Variants in SPOCK3 observed in about 807,000 individuals in gnomAD.
The protein encoded by SPOCK3 is testican-3.
Under a neutral mutation model 56.6 loss-of-function variants are expected in SPOCK3, and 30 were observed. That is an observed-to-expected ratio of 0.53 (90% CI 0.40 to 0.72). SPOCK3 has a LOEUF of 0.72. Among genes scored for constraint, SPOCK3 ranks in the 30% least tolerant of loss-of-function variants. SPOCK3 has a pLI of 0.00. For missense variants in SPOCK3, 527 were observed against 530.0 expected (o/e 0.99, Z 0.06); for synonymous variants, 196 against 183.3 (o/e 1.07, Z -0.56).
intron 6 of SPOCK3, among the ~76,000 whole-genome samples, chr4:166,833,407 C>T (rs1412802475): frequency 1.3e-5 from 2 of 152,066 alleles, no homozygotes; most frequent in Non-Finnish European, 2.9e-5. Flanking sequence ...TTGATTTTCT[C>T]AATTTTTGTA....
chr4:167,108,312 C>T (rs1342957077), intron 2 of SPOCK3, among the ~76,000 whole-genome samples: 1 of 151,748 alleles, frequency 6.6e-6, no homozygotes. Context: ...AGGTACATAC[C>T]CAAAAGAAAG....
intron 2 of SPOCK3, among the ~76,000 whole-genome samples, chr4:167,071,622 T>G (rs920164945): frequency 7.6e-6 from 1 of 131,134 alleles, no homozygotes; most frequent in Non-Finnish European, 1.6e-5. Context: ...TGCCACATTT[T>G]CTTAATCCAG....
intron 4 of SPOCK3, among the ~76,000 whole-genome samples, chr4:166,980,997 G>T (rs182466309): frequency 6.6e-6 from 1 of 152,156 alleles, no homozygotes. Flanking sequence ...TTCTTGCCGC[G>T]GTCTAGGAAG....
chr4:166,969,730 A>G (rs1205090566), intron 4 of SPOCK3, among the ~76,000 whole-genome samples: 2 of 152,174 alleles, frequency 1.3e-5, no homozygotes, highest in Admixed American at 6.5e-5. Context: ...TATATTACCC[A>G]GTCTCAAGTA....
intron 6 of SPOCK3, among the ~76,000 whole-genome samples, chr4:166,867,635 T>G (rs1731979163): frequency 6.6e-6 from 1 of 151,370 alleles, no homozygotes; most frequent in Non-Finnish European, 1.5e-5. Context: ...TAATTACAGG[T>G]AAATTATTTA....
intron 6 of SPOCK3, among the ~76,000 whole-genome samples, chr4:166,862,492 TACTA>T (rs1314096079): frequency 6.6e-6 from 1 of 152,106 alleles, no homozygotes; most frequent in East Asian, 1.9e-4. Flanking sequence ...TTAGTATTGC[TACTA>T]ACTTTTTTAT....
rs1446850639 is a variant in SPOCK3, at chr4:166,793,465, A to G, written c.590-1176T>C. The stretch of plus-strand genomic sequence containing the variant: ...GAGCTGAAAAAAACAAAATGCAAAA[A>G]CATCTCATAATGTTTTAAGAAAGTT... On this transcript the variant is annotated intron_variant, in intron 6 of 10. Coordinates refer to ENST00000357545, the MANE Select transcript of SPOCK3 (RefSeq NM_001040159.2). 9.9e-5 allele frequency among the ~76,000 whole-genome samples: 15 copies of G among 152,170 alleles called. 1 individual carries two copies. Among genetic ancestry groups the G allele is most frequent in the Admixed American group, 9.2e-4 (14 of 15,274 alleles).
rs188004490 is a variant in SPOCK3 at position 167,111,190 on chromosome 4, A to G, written c.190-48653T>C. 9.5e-4 allele frequency among the ~76,000 whole-genome samples: 145 copies of G among 152,254 alleles called. 2 individuals carry two copies. In the East Asian group the frequency reaches 0.025, roughly 26 times the overall value. ...TTATATGAAATTATTAAATGAGGAA[A>G]AAAATTCACAACTAAAAACTGGTGA... On this transcript the variant is annotated intron_variant, in intron 2 of 10. Transcript: ENST00000357545.
chr4:167,159,594 GA>G (rs919100559), intron 2 of SPOCK3, among the ~76,000 whole-genome samples: 5 of 151,908 alleles, frequency 3.3e-5, no homozygotes, highest in African/African-American at 1.2e-4. Context: ...CCAAAAAAGA[GA>G]ATTTTAGACC....
At chr4:166,953,153 CA>C (rs1237450873) in intron 4 of SPOCK3, among the ~76,000 whole-genome samples, 1 of 151,320 alleles carries the variant, frequency 6.6e-6, no homozygotes, top group Admixed American at 6.6e-5. Flanking sequence ...AGGCAACCTA[CA>C]AAATGGGAGA....
intron 4 of SPOCK3, among the ~76,000 whole-genome samples, chr4:166,953,174 C>T (rs1416234696): frequency 1.3e-5 from 2 of 151,414 alleles, no homozygotes; most frequent in African/African-American, 2.4e-5. Flanking sequence ...AAAATTTTCG[C>T]AACCTACTCT....
intron 6 of SPOCK3, among the ~76,000 whole-genome samples, chr4:166,845,097 A>C (rs190377334): frequency 6.6e-6 from 1 of 152,384 alleles, no homozygotes; most frequent in Non-Finnish European, 1.5e-5. Flanking sequence ...TATGTTAAAC[A>C]ATATAAAATT....
intron 7 of SPOCK3, among the ~76,000 whole-genome samples, chr4:166,762,284 A>G (rs1737344631): frequency 6.6e-6 from 1 of 152,116 alleles, no homozygotes; most frequent in Non-Finnish European, 1.5e-5. Flanking sequence ...TTAAAATAGT[A>G]TATTTTGAGA....
chr4:166,903,448 A>C (rs1310217696), intron 5 of SPOCK3, among the ~76,000 whole-genome samples: 2 of 151,938 alleles, frequency 1.3e-5, no homozygotes, highest in Non-Finnish European at 2.9e-5. Flanking sequence ...TTATTACCCC[A>C]TGCTACTGGA....
At chr4:166,912,523 T>C in intron 5 of SPOCK3, 97 bp downstream of exon 5, 2 of 1,168,362 alleles carry the variant, frequency 1.7e-6, no homozygotes, top group South Asian at 2.7e-5. Context: ...GTTAAATGAA[T>C]AATTTGAATT....
intron 6 of SPOCK3, among the ~76,000 whole-genome samples, chr4:166,817,982 G>A (rs1431486003): frequency 6.6e-6 from 1 of 151,886 alleles, no homozygotes; most frequent in East Asian, 1.9e-4. Flanking sequence ...GTATGACTTA[G>A]GTTACTATTA....
intron 2 of SPOCK3, among the ~76,000 whole-genome samples, chr4:167,108,709 G>C (rs1760406539): frequency 6.6e-6 from 1 of 151,232 alleles, no homozygotes; most frequent in African/African-American, 2.4e-5. Context: ...GGTAAAAACA[G>C]TAGTTAGAAA....
At chr4:166,808,211 G>T (rs563018138) in intron 6 of SPOCK3, among the ~76,000 whole-genome samples, 1 of 151,958 alleles carries the variant, frequency 6.6e-6, no homozygotes, top group East Asian at 1.9e-4. Flanking sequence ...TTGTTTGCTT[G>T]TTTTTTTCAA....
At chr4:167,136,670 A>T (rs919650311) in intron 2 of SPOCK3, among the ~76,000 whole-genome samples, 4 of 152,118 alleles carry the variant, frequency 2.6e-5, no homozygotes, top group African/African-American at 9.7e-5. Flanking sequence ...AGAGGACCTA[A>T]ATTACAAGAA....
Sources: gnomAD v4.1 joint callset for allele counts (sites outside exome capture counted in the v4.1 genomes callset) on GRCh38, gnomAD v4.1.1 for gene constraint, MANE v1.5 for transcripts, NCBI Gene and HGNC (gene_info 2026-07-23, HGNC 2026-07-21) for gene names.